Variants in NELL2 observed in about 807,000 individuals in gnomAD.
NELL2 encodes neural EGFL like 2.
In NELL2, 41 loss-of-function variants were observed where a neutral mutation model predicts 109.6. The observed-to-expected ratio is 0.37, with a 90% CI of 0.29 to 0.49. The LOEUF (loss-of-function observed/expected upper bound fraction) is 0.49. NELL2 is among the 20% of genes least tolerant of loss of function. NELL2 has a pLI of 0.98. For missense variants in NELL2, 900 were observed against 1,008.3 expected (o/e 0.89, Z 1.45); for synonymous variants, 355 against 344.7 (o/e 1.03, Z -0.33).
intron 15 of NELL2, among the ~76,000 whole-genome samples, chr12:44,595,841 G>A (rs1944942110): frequency 6.6e-6 from 1 of 151,968 alleles, no homozygotes; most frequent in Admixed American, 6.6e-5. Flanking sequence ...GAGAAAATCG[G>A]CAATGGAAAC....
intron 12 of NELL2, among the ~76,000 whole-genome samples, chr12:44,672,786 T>C (rs191414963): frequency 4.6e-4 from 70 of 152,268 alleles, no homozygotes; most frequent in African/African-American, 1.4e-3. Flanking sequence ...TGTGCAAGAG[T>C]AAATTGGCCT....
intron 13 of NELL2, among the ~76,000 whole-genome samples, chr12:44,644,580 G>GTATATA (rs138161908): frequency 0.019 from 1,596 of 83,688 alleles, 15 homozygotes; most frequent in East Asian, 0.032. Flanking sequence ...ACAAAGTAAA[G>GTATATA]TATATATATA....
chr12:44,600,957 G>A (rs1475991258), intron 15 of NELL2, among the ~76,000 whole-genome samples: 1 of 151,944 alleles, frequency 6.6e-6, no homozygotes, highest in African/African-American at 2.4e-5. Context: ...CATTTGGCTA[G>A]TTTCAAATAA....
intron 9 of NELL2, among the ~76,000 whole-genome samples, chr12:44,763,741 G>A (rs917676531): frequency 3.3e-5 from 5 of 152,138 alleles, no homozygotes; most frequent in Non-Finnish European, 4.4e-5. Context: ...ACAATTCTAC[G>A]AGGAAGGATT....
chr12:44,797,197 TCTCAA>T (rs1942654502), intron 3 of NELL2, among the ~76,000 whole-genome samples: 2 of 152,068 alleles, frequency 1.3e-5, no homozygotes, highest in Non-Finnish European at 2.9e-5. Context: ...TTTCTCATTA[TCTCAA>T]CTCAGTTGTG....
At chr12:44,856,874 T>C (rs1161576829) in intron 2 of NELL2, among the ~76,000 whole-genome samples, 3 of 152,160 alleles carry the variant, frequency 2.0e-5, no homozygotes, top group Non-Finnish European at 4.4e-5. Flanking sequence ...CTGGCAACTA[T>C]GTGAAGGACA....
chr12:44,684,307 C>T (rs1306241393), intron 12 of NELL2, among the ~76,000 whole-genome samples: 2 of 152,106 alleles, frequency 1.3e-5, no homozygotes, highest in Non-Finnish European at 2.9e-5. Context: ...ATTCTTCTCT[C>T]TTTTTTCTTT....
intron 2 of NELL2, among the ~76,000 whole-genome samples, chr12:44,863,812 A>G (rs1357354695): frequency 6.6e-6 from 1 of 152,238 alleles, no homozygotes; most frequent in Non-Finnish European, 1.5e-5. Flanking sequence ...TTCAGTATGA[A>G]GGTTAAAAGT....
intron 11 of NELL2, among the ~76,000 whole-genome samples, chr12:44,708,320 A>G (rs77896963): frequency 0.061 from 9,331 of 152,188 alleles, 949 homozygotes; most frequent in African/African-American, 0.21. Context: ...AGCGCCTACC[A>G]ATTTGGAGCC....
At chr12:44,717,398 T>C (rs1211946883) in intron 9 of NELL2, among the ~76,000 whole-genome samples, 1 of 152,126 alleles carries the variant, frequency 6.6e-6, no homozygotes, top group Non-Finnish European at 1.5e-5. Context: ...GGTACTGGAA[T>C]TCAAAGACGA....
chr12:44,746,646 A>G (rs1809119045), intron 9 of NELL2, among the ~76,000 whole-genome samples: 1 of 152,206 alleles, frequency 6.6e-6, no homozygotes, highest in Non-Finnish European at 1.5e-5. Flanking sequence ...AAGGATATGA[A>G]CAGACACTTC....
chr12:44,826,073 A>C (rs1308133369), intron 2 of NELL2, among the ~76,000 whole-genome samples: 1 of 152,032 alleles, frequency 6.6e-6, no homozygotes, highest in African/African-American at 2.4e-5. Context: ...AAGAAAAGAA[A>C]ATTTGTGTGT....
intron 2 of NELL2, among the ~76,000 whole-genome samples, chr12:44,874,762 A>G (rs1426101622): frequency 6.6e-6 from 1 of 152,200 alleles, no homozygotes; most frequent in Non-Finnish European, 1.5e-5. Flanking sequence ...GTAAGTAAAA[A>G]TATTCAGAGG....
intron 9 of NELL2, among the ~76,000 whole-genome samples, chr12:44,750,464 T>C (rs1940602841): frequency 6.6e-6 from 1 of 152,128 alleles, no homozygotes; most frequent in Non-Finnish European, 1.5e-5. Flanking sequence ...CCATATTATG[T>C]AAAGCAAGCA....
chr12:44,703,495 T>A (rs112842633), intron 12 of NELL2, among the ~76,000 whole-genome samples: 9 of 152,310 alleles, frequency 5.9e-5, no homozygotes, highest in African/African-American at 1.9e-4. Flanking sequence ...AGTGGAAGAA[T>A]TGTTCTAATT....
chr12:44,791,179 C>A (rs2136630254), intron 3 of NELL2, among the ~76,000 whole-genome samples: 2 of 32,394 alleles, frequency 6.2e-5, no homozygotes, highest in African/African-American at 1.2e-4. Context: ...ATATAGTATT[C>A]CATCATATAT....
intron 13 of NELL2, among the ~76,000 whole-genome samples, chr12:44,631,637 A>G (rs562509670): frequency 6.6e-6 from 1 of 152,192 alleles, no homozygotes; most frequent in African/African-American, 2.4e-5. Context: ...GCATCACACA[A>G]TATGCTCAGG....
At chr12:44,806,957 C>A (rs1478886437) in intron 3 of NELL2, among the ~76,000 whole-genome samples, 1 of 151,144 alleles carries the variant, frequency 6.6e-6, no homozygotes, top group Non-Finnish European at 1.5e-5. Context: ...ATGTTTAGAG[C>A]CTCAATTCTT....
chr12:44,880,654 C>T (rs1945400996), upstream of NELL2, among the ~76,000 whole-genome samples: 1 of 151,862 alleles, frequency 6.6e-6, no homozygotes, highest in South Asian at 2.1e-4. Context: ...TATCATGAGG[C>T]TCTAACTCTG....
Sources: allele counts gnomAD v4.1 joint callset (sites outside exome capture counted in the v4.1 genomes callset), GRCh38; gene constraint gnomAD v4.1.1; transcripts MANE v1.5; gene names NCBI Gene and HGNC (gene_info 2026-07-23, HGNC 2026-07-21).